Variants in PCDH7 observed in about 807,000 individuals in gnomAD.
PCDH7 encodes protocadherin 7.
In PCDH7, 17 loss-of-function variants were observed where a neutral mutation model predicts 58.9. The observed-to-expected ratio is 0.29, with a 90% CI of 0.20 to 0.43. The LOEUF (loss-of-function observed/expected upper bound fraction) is 0.43, where lower values mean the gene tolerates loss of function less well. Ranked by LOEUF, PCDH7 falls within the 20% of genes least tolerant of loss-of-function variation. PCDH7 has a pLI of 1.00. For synonymous variants in PCDH7, 664 were observed against 616.4 expected (o/e 1.08, Z -1.14); for missense variants, 1,274 against 1,441.0 (o/e 0.88, Z 1.88).
At chr4:31,065,877 C>A (rs938016084) in intron 3 of PCDH7, among the ~76,000 whole-genome samples, 6 of 151,826 alleles carry the variant, frequency 4.0e-5, no homozygotes, top group African/African-American at 7.3e-5. Flanking sequence ...TGTCAGGATT[C>A]TTTTAATTGT....
chr4:30,799,402 T>A (rs1487408679), intron 1 of PCDH7, among the ~76,000 whole-genome samples: 1 of 152,240 alleles, frequency 6.6e-6, no homozygotes, highest in African/African-American at 2.4e-5. Context: ...CTTAATATTC[T>A]GTATAATGCA....
intron 1 of PCDH7, among the ~76,000 whole-genome samples, chr4:30,770,825 C>A (rs560622659): frequency 8.0e-4 from 121 of 152,174 alleles, no homozygotes; most frequent in African/African-American, 2.7e-3. Context: ...AAGGGGAAAA[C>A]AAGATTGTCT....
At chr4:30,947,702 G>A (rs1018323339) in intron 2 of PCDH7, among the ~76,000 whole-genome samples, 5 of 152,030 alleles carry the variant, frequency 3.3e-5, no homozygotes, top group African/African-American at 1.2e-4. Context: ...TTTGTGTTGG[G>A]AACATTCAGT....
chr4:30,877,176 T>C (rs544166794), intron 1 of PCDH7, among the ~76,000 whole-genome samples: 1 of 152,058 alleles, frequency 6.6e-6, no homozygotes, highest in East Asian at 1.9e-4. Flanking sequence ...GGGTTGATGG[T>C]TTGGGGAGTG....
chr4:30,807,753 T>TG (rs1221687362), intron 1 of PCDH7, among the ~76,000 whole-genome samples: 7 of 150,482 alleles, frequency 4.7e-5, no homozygotes, highest in South Asian at 2.1e-4. Context: ...AATCTATTTG[T>TG]GAAAAAAAAA....
At chr4:30,816,324 A>G (rs763564803) in intron 1 of PCDH7, among the ~76,000 whole-genome samples, 3 of 152,162 alleles carry the variant, frequency 2.0e-5, no homozygotes, top group Non-Finnish European at 4.4e-5. Flanking sequence ...CAGTTCTAAA[A>G]TCTCTGAAGT....
intron 2 of PCDH7, among the ~76,000 whole-genome samples, chr4:30,932,978 T>A (rs376715453): frequency 3.3e-5 from 5 of 152,118 alleles, no homozygotes; most frequent in South Asian, 2.1e-4. Flanking sequence ...GCTCTTAAAA[T>A]GTTGCCTAAA....
intron 3 of PCDH7, among the ~76,000 whole-genome samples, chr4:31,120,441 CT>C (rs138878762): frequency 0.091 from 9,798 of 107,810 alleles, 614 homozygotes; most frequent in African/African-American, 0.22. Context: ...CTATTTTTTT[CT>C]TTTTTTTTTT....
At chr4:31,018,205 C>G (rs994390941) in intron 3 of PCDH7, among the ~76,000 whole-genome samples, 1 of 152,222 alleles carries the variant, frequency 6.6e-6, no homozygotes, top group Admixed American at 6.5e-5. Context: ...TTTAGTCTGA[C>G]TTGAGTTTCT....
At chr4:30,757,208 C>T (rs1281221778) in intron 1 of PCDH7, among the ~76,000 whole-genome samples, 1 of 152,208 alleles carries the variant, frequency 6.6e-6, no homozygotes, top group Admixed American at 6.5e-5. Flanking sequence ...AACTCACTAT[C>T]TCCCTGTAGC....
chr4:31,104,862 C>T (rs1054762190), intron 3 of PCDH7, among the ~76,000 whole-genome samples: 1 of 152,072 alleles, frequency 6.6e-6, no homozygotes, highest in Non-Finnish European at 1.5e-5. Flanking sequence ...AGTATGCCAA[C>T]TGAAAGGGAA....
At chr4:30,747,177 T>C (rs919108796) in intron 1 of PCDH7, among the ~76,000 whole-genome samples, 8 of 152,206 alleles carry the variant, frequency 5.3e-5, no homozygotes, top group Admixed American at 3.9e-4. Context: ...ATATAGTTAA[T>C]ACTGAACTGG....
chr4:30,810,611 A>AT (rs1726868409), intron 1 of PCDH7, among the ~76,000 whole-genome samples: 1 of 141,752 alleles, frequency 7.1e-6, no homozygotes, highest in Non-Finnish European at 1.5e-5. Flanking sequence ...ACGTCTTCTC[A>AT]TTTTCTTTTT....
intron 3 of PCDH7, among the ~76,000 whole-genome samples, chr4:31,043,932 G>T (rs1409405375): frequency 6.6e-6 from 1 of 152,070 alleles, no homozygotes; most frequent in Non-Finnish European, 1.5e-5. Flanking sequence ...AAGTGTAAGG[G>T]ACTTAAAATT....
exon 2 of PCDH7, chr4:30,731,052 G>T (rs1177786365): frequency 1.7e-6 from 2 of 1,179,324 alleles, no homozygotes; most frequent in Non-Finnish European, 2.1e-6. Flanking sequence ...TTAAAGAGGC[G>T]GTTAGCACCT....
intron 1 of PCDH7, among the ~76,000 whole-genome samples, chr4:30,753,352 G>A (rs757208334): frequency 5.9e-5 from 9 of 152,174 alleles, no homozygotes; most frequent in Non-Finnish European, 1.0e-4. Context: ...ATACATGGTC[G>A]TGGTAAGCTG....
Position 30,722,820 on chromosome 4 carries a change from G to A in PCDH7, c.1398G>A (p.Val466=). ...TCACCTGCACCGTGGTGGGCGACGT[G>A]CCCTTCCAGCTCAAGCCAGCCAGCG... The change falls in exon 1 of 2, where the codon GTG becomes GTA. Residue 466 remains valine (V), a synonymous_variant. Transcript: ENST00000361762. This position sits in a 1 kb window ranked among gnomAD's most constrained non-coding sequence, Gnocchi z 7.6. The A allele has an allele frequency of 6.2e-7, 1 of 1,613,634 alleles. No individual in the cohort carries two copies. Among genetic ancestry groups the A allele is most frequent in the Non-Finnish European group, 8.5e-7 (1 of 1,180,028 alleles).
At chr4:30,919,210 A>G (rs2109413718) in intron 1 of PCDH7, among the ~76,000 whole-genome samples, 1 of 135,058 alleles carries the variant, frequency 7.4e-6, no homozygotes, top group East Asian at 2.2e-4. Flanking sequence ...ACATTACAGA[A>G]CATTTTTATA....
chr4:30,965,834 T>A (rs1032486948), intron 3 of PCDH7, among the ~76,000 whole-genome samples: 1 of 152,130 alleles, frequency 6.6e-6, no homozygotes, highest in Non-Finnish European at 1.5e-5. Flanking sequence ...AAAATATTAT[T>A]TTTTTAAAAA....
Sources: allele counts gnomAD v4.1 joint callset (sites outside exome capture counted in the v4.1 genomes callset), GRCh38; gene constraint gnomAD v4.1.1; non-coding constraint Gnocchi (gnomAD v3.1); transcripts MANE v1.5; gene names NCBI Gene and HGNC (gene_info 2026-07-23, HGNC 2026-07-21).